PCNX2: variants seen among roughly 807,000 people sequenced by gnomAD.
PCNX2 encodes pecanex 2.
PCNX2 carries 168 observed loss-of-function variants against 223.8 expected under a neutral mutation model. The ratio of observed to expected loss-of-function variants is 0.75; its 90% confidence interval spans 0.66 to 0.85. The LOEUF (loss-of-function observed/expected upper bound fraction) is 0.85. Ranked by LOEUF, PCNX2 falls within the 40% of genes least tolerant of loss-of-function variation. The pLI is 0.00. For missense variants in PCNX2, 2,507 were observed against 2,675.5 expected, an observed-to-expected ratio of 0.94 and a Z score of 1.39; for synonymous variants, 1,006 against 1,052.6, an observed-to-expected ratio of 0.96 and a Z score of 0.86.
At chr1:233,289,022 C>G (rs1256120244) in intron 1 of PCNX2, 1 of 1,372,368 alleles carries the variant, frequency 7.3e-7, no homozygotes, top group Non-Finnish European at 1.0e-6. Context: ...CGCGGATTCT[C>G]TTGCCCACAA....
intron 1 of PCNX2, among the ~76,000 whole-genome samples, chr1:233,281,942 T>C (rs1443541595): frequency 1.3e-5 from 2 of 152,114 alleles, no homozygotes; most frequent in Non-Finnish European, 2.9e-5. Flanking sequence ...GACCTTCTGA[T>C]CTTGAGGGAG....
intron 25 of PCNX2, among the ~76,000 whole-genome samples, chr1:233,029,028 T>C (rs578241677): frequency 5.3e-5 from 8 of 151,966 alleles, no homozygotes; most frequent in African/African-American, 1.7e-4. Flanking sequence ...TTAGTAGAGA[T>C]GGGGTTTCAC....
chr1:233,141,715 A>ATG (rs1366472929), intron 19 of PCNX2, among the ~76,000 whole-genome samples: 1 of 79,978 alleles, frequency 1.3e-5, no homozygotes, highest in Non-Finnish European at 2.1e-5. Flanking sequence ...GTATATATAT[A>ATG]TCTGTGTGTG....
chr1:233,230,953 T>C (rs1372146708), intron 9 of PCNX2, among the ~76,000 whole-genome samples: 1 of 152,218 alleles, frequency 6.6e-6, no homozygotes, highest in Non-Finnish European at 1.5e-5. Context: ...AATGCTACTT[T>C]CAAGAGTTCC....
chr1:233,246,090 T>A (rs193138033), intron 8 of PCNX2, among the ~76,000 whole-genome samples: 4 of 152,314 alleles, frequency 2.6e-5, no homozygotes, highest in Admixed American at 2.6e-4. Flanking sequence ...GCCCTTCAGA[T>A]AGGATAAATG....
At chr1:233,019,318 C>A (rs1040466026) in intron 26 of PCNX2, 1 of 531,174 alleles carries the variant, frequency 1.9e-6, no homozygotes, top group South Asian at 8.2e-5. Flanking sequence ...AATCTGCAGA[C>A]AATAACTAGA....
At chr1:233,092,270 G>A (rs1291782336) in intron 22 of PCNX2, among the ~76,000 whole-genome samples, 2 of 152,182 alleles carry the variant, frequency 1.3e-5, no homozygotes, top group East Asian at 3.8e-4. Flanking sequence ...GTGGAGCCAG[G>A]GCTGGGCAGA....
At chr1:233,100,417 C>CAAAAAAAAA (rs5781726) in intron 21 of PCNX2, among the ~76,000 whole-genome samples, 1 of 81,074 alleles carries the variant, frequency 1.2e-5, no homozygotes. Flanking sequence ...GATTCTGTCT[C>CAAAAAAAAA]AAAAAAAAAA....
intron 24 of PCNX2, chr1:233,054,741 C>T (rs943171651): frequency 3.2e-5 from 9 of 279,998 alleles, no homozygotes; most frequent in Non-Finnish European, 4.7e-5. Context: ...ATAATACAAA[C>T]AATCATTGCT....
chr1:233,002,954 G>A (rs1460983025), intron 28 of PCNX2, among the ~76,000 whole-genome samples: 2 of 152,158 alleles, frequency 1.3e-5, no homozygotes, highest in Admixed American at 6.5e-5. Flanking sequence ...CTAGCCATAC[G>A]CAGAAAACTG....
At chr1:233,316,456 A>G in the PCNX2 span, among the ~76,000 whole-genome samples, 2 of 152,186 alleles carry the variant, frequency 1.3e-5, no homozygotes, top group Admixed American at 6.5e-5. Flanking sequence ...TCAAGACCCC[A>G]CATCTTTAAA....
chr1:233,128,450 T>C (rs1041257063), intron 21 of PCNX2, among the ~76,000 whole-genome samples: 2 of 152,050 alleles, frequency 1.3e-5, no homozygotes, highest in Non-Finnish European at 1.5e-5. Flanking sequence ...TTCTCCTGCC[T>C]CAGCCTCCGG....
At chr1:233,065,291 T>C (rs1017254916) in intron 23 of PCNX2, among the ~76,000 whole-genome samples, 1 of 152,190 alleles carries the variant, frequency 6.6e-6, no homozygotes, top group Non-Finnish European at 1.5e-5. Context: ...TACCTCCTAA[T>C]GTTATTGTAA....
intron 22 of PCNX2, among the ~76,000 whole-genome samples, chr1:233,092,107 G>A (rs140550753): frequency 1.4e-3 from 214 of 152,290 alleles, no homozygotes; most frequent in African/African-American, 4.9e-3. Context: ...ATATCATTGA[G>A]TGAAGGTATT....
chr1:233,110,259 AG>A (rs1450675120), intron 21 of PCNX2, among the ~76,000 whole-genome samples: 1 of 152,342 alleles, frequency 6.6e-6, no homozygotes, highest in South Asian at 2.1e-4. Context: ...GAAATCTTGA[AG>A]GCAGCCAGAA....
rs149291876 is a variant in PCNX2 at position 233,138,210 on chromosome 1, G to A, written c.3659+1504C>T. Among the ~76,000 whole-genome samples the A allele has an allele frequency of 2.1e-4, 32 of 152,262 alleles. 1 individual carries two copies. The highest frequency in any genetic ancestry group is 7.2e-4 in the African/African-American group (30 of 41,548). Reference sequence around the variant, plus strand: ...GGATATTCACAGCTATATAGATAACGTGCACCTTTCTGACTTTAGTGTCTG... The same window carrying A: ...GGATATTCACAGCTATATAGATAACATGCACCTTTCTGACTTTAGTGTCTG... On this transcript the variant is annotated intron_variant, in intron 20 of 33. Coordinates refer to ENST00000258229, the MANE Select transcript of PCNX2 (RefSeq NM_014801.4).
intron 21 of PCNX2, among the ~76,000 whole-genome samples, chr1:233,128,754 A>G (rs1676251397): frequency 6.6e-6 from 1 of 152,206 alleles, no homozygotes; most frequent in South Asian, 2.1e-4. Context: ...TGCATGTTTT[A>G]CTGTACCCTA....
At chr1:233,108,850 GGTTTC>G (rs1173237948) in intron 21 of PCNX2, among the ~76,000 whole-genome samples, 1 of 152,086 alleles carries the variant, frequency 6.6e-6, no homozygotes, top group Non-Finnish European at 1.5e-5. Context: ...GAGACCAAGG[GGTTTC>G]ATTAGAAAAT....
intron 26 of PCNX2, among the ~76,000 whole-genome samples, chr1:233,022,695 C>CTTTTTT (rs372153367): frequency 3.9e-5 from 5 of 128,684 alleles, no homozygotes; most frequent in South Asian, 2.5e-4. Flanking sequence ...CTTTTTCTTT[C>CTTTTTT]TTTTTTTTTT....
Sources: gnomAD v4.1 joint callset for allele counts (sites outside exome capture counted in the v4.1 genomes callset) on GRCh38, gnomAD v4.1.1 for gene constraint, MANE v1.5 for transcripts, NCBI Gene and HGNC (gene_info 2026-07-23, HGNC 2026-07-21) for gene names.